FERMT2: variants seen among roughly 807,000 people sequenced by gnomAD.
FERMT2 encodes the protein fermitin family homolog 2.
Under a neutral mutation model 82.7 loss-of-function variants are expected in FERMT2, and 15 were observed. That is an observed-to-expected ratio of 0.18 (90% CI 0.12 to 0.28). The LOEUF is 0.28. Among genes scored for constraint, FERMT2 ranks in the 10% least tolerant of loss-of-function variants. The pLI is 1.00. For missense variants in FERMT2, 645 were observed against 809.4 expected, an observed-to-expected ratio of 0.80 and a Z score of 2.46; for synonymous variants, 274 against 271.5, an observed-to-expected ratio of 1.01 and a Z score of -0.09.
At chr14:52,937,116 C>T (rs1486985574) in intron 2 of FERMT2, among the ~76,000 whole-genome samples, 1 of 152,100 alleles carries the variant, frequency 6.6e-6, no homozygotes, top group Non-Finnish European at 1.5e-5. Context: ...GAGCTTAGAT[C>T]GTGCCACTGC....
At chr14:52,946,701 C>T (rs1289222370) in intron 2 of FERMT2, among the ~76,000 whole-genome samples, 1 of 151,350 alleles carries the variant, frequency 6.6e-6, no homozygotes, top group African/African-American at 2.4e-5. Context: ...TTTTTTGAGG[C>T]GGAGTCTTGC....
intron 3 of FERMT2, among the ~76,000 whole-genome samples, chr14:52,905,072 C>T (rs978219015): frequency 6.6e-6 from 1 of 151,422 alleles, no homozygotes; most frequent in African/African-American, 2.4e-5. Flanking sequence ...GCTTGTAATC[C>T]CAGCTACTCA....
chr14:52,859,480 A>C, intron 14 of FERMT2, 93 bp downstream of exon 14: 1 of 1,181,248 alleles, frequency 8.5e-7, no homozygotes, highest in East Asian at 2.7e-5. Flanking sequence ...TGGTGGTACA[A>C]ATAATCATCA....
At chr14:52,863,259 C>T (rs1345869265) in intron 12 of FERMT2, 2 of 151,830 alleles carry the variant, frequency 1.3e-5, no homozygotes, top group African/African-American at 2.4e-5. Context: ...AAATTCTGAA[C>T]ATTTAGGTAG....
chr14:52,864,581 G>T lies in FERMT2; in HGVS notation c.1422C>A (p.Ala474=), dbSNP rs757757441. The T allele has an allele frequency of 9.9e-6, 16 of 1,614,168 alleles. No individual in the cohort carries two copies. Among genetic ancestry groups the T allele is most frequent in the Non-Finnish European group, 1.4e-5 (16 of 1,180,032 alleles). Reference sequence around the variant, plus strand: ...TGTCCGCCATGGTCTTGCCTTTGGAGGCTAATCTGCAGGCTGCCATCCAGT... The same window carrying T: ...TGTCCGCCATGGTCTTGCCTTTGGATGCTAATCTGCAGGCTGCCATCCAGT... ...YAHWMAACRL[A]SKGKTMADSS... is the part of the protein sequence containing the mutation. Residue 474 remains alanine, a synonymous_variant, in exon 12 of 15, where the codon GCC becomes GCA. Transcript: ENST00000341590.
chr14:52,928,656 A>G (rs987063057), intron 2 of FERMT2, among the ~76,000 whole-genome samples: 1 of 152,116 alleles, frequency 6.6e-6, no homozygotes, highest in Non-Finnish European at 1.5e-5. Flanking sequence ...GGGGAAACCT[A>G]CTATTTTTTT....
chr14:52,878,523 T>TA, intron 7 of FERMT2, 59 bp downstream of exon 7: 1 of 1,078,710 alleles, frequency 9.3e-7, no homozygotes, highest in Non-Finnish European at 1.4e-6. Context: ...CTTTACTGTT[T>TA]AAAAATACCT....
At chr14:52,936,460 A>T (rs1176414383) in intron 2 of FERMT2, among the ~76,000 whole-genome samples, 1 of 152,216 alleles carries the variant, frequency 6.6e-6, no homozygotes, top group Non-Finnish European at 1.5e-5. Flanking sequence ...TGGGCATCTC[A>T]CAGCTCTGGG....
rs1884915717 is a variant in FERMT2 at position 52,861,231 on chromosome 14, G to C, written c.1603-766C>G. On this transcript the variant is annotated intron_variant, in intron 12 of 14. Coordinates refer to ENST00000341590, the MANE Select transcript of FERMT2 (RefSeq NM_006832.3). ...AATGAAAAATGAAAATGAGGAAGCA[G>C]CAATTACTTTCCATTTAGAACACTG... 5.4e-6 allele frequency: 3 copies of C among 553,466 alleles called. No homozygotes were observed. In the South Asian group the frequency reaches 7.8e-5, roughly 14 times the overall value. 34.3% of individuals were successfully genotyped at this position (553,466 alleles called of 1,614,324 possible).
chr14:52,875,143 A>T (rs763219634), intron 8 of FERMT2, 80 bp downstream of exon 8: 92 of 1,246,432 alleles, frequency 7.4e-5, no homozygotes, highest in Non-Finnish European at 9.4e-5. Context: ...ACCACCCCCA[A>T]ATACTTTGAA....
intron 3 of FERMT2, among the ~76,000 whole-genome samples, chr14:52,914,360 A>G (rs1888498791): frequency 6.6e-6 from 1 of 152,028 alleles, no homozygotes; most frequent in Admixed American, 6.6e-5. Context: ...ACAGAGCAAG[A>G]TACTATCTCA....
Position 52,950,553 on chromosome 14 carries a change from T to C in FERMT2, c.16A>G (p.Ile6Val). Residue 6 changes from isoleucine (I) to valine (V), a missense_variant, in exon 2 of 15, where the codon ATA becomes GTA. By Grantham distance (29) the Ile-to-Val change is conservative. Transcript: ENST00000341590. ...GCGTAGCAGCCATCTGGCATCCTTA[T>C]CCCGTCCAGAGCCATGGCTCCTTCC... MALDG[I>V]RMPDGCYADG... 5 of 1,614,006 alleles carry C rather than the reference T, an allele frequency of 3.1e-6. No homozygotes were observed. The highest frequency in any genetic ancestry group is 4.2e-6 in the Non-Finnish European group (5 of 1,179,968).
At chr14:52,899,980 T>C (rs564567683) in intron 3 of FERMT2, among the ~76,000 whole-genome samples, 2 of 152,282 alleles carry the variant, frequency 1.3e-5, no homozygotes, top group South Asian at 2.1e-4. Flanking sequence ...AAAATAGCCA[T>C]ACCAAAATAC....
At chr14:52,926,134 CATT>C (rs1889257118) in intron 2 of FERMT2, among the ~76,000 whole-genome samples, 1 of 34,090 alleles carries the variant, frequency 2.9e-5, no homozygotes, top group African/African-American at 8.6e-5. Context: ...AGCATGAACA[CATT>C]ATGATGACTT....
chr14:52,901,206 G>A (rs1189011222), intron 3 of FERMT2, among the ~76,000 whole-genome samples: 3 of 148,590 alleles, frequency 2.0e-5, no homozygotes, highest in Non-Finnish European at 4.5e-5. Context: ...GCTTGAACCC[G>A]GGAGGCGGAG....
At chr14:52,871,077 T>C (rs1885591807) in intron 10 of FERMT2, among the ~76,000 whole-genome samples, 1 of 152,140 alleles carries the variant, frequency 6.6e-6, no homozygotes, top group African/African-American at 2.4e-5. Flanking sequence ...ACCTTTGCTA[T>C]AATCAAGCAG....
At chr14:52,911,789 A>G (rs1389590765) in intron 3 of FERMT2, among the ~76,000 whole-genome samples, 1 of 152,186 alleles carries the variant, frequency 6.6e-6, no homozygotes, top group Admixed American at 6.5e-5. Context: ...ATTTATAGCA[A>G]TAACAGTGTT....
At chr14:52,895,132 G>A (rs971671673) in intron 3 of FERMT2, among the ~76,000 whole-genome samples, 10 of 152,116 alleles carry the variant, frequency 6.6e-5, no homozygotes, top group African/African-American at 2.2e-4. Context: ...TCAGTCATCA[G>A]GGAAATACAA....
At chr14:52,919,091 C>T (rs1326449533) in intron 3 of FERMT2, 32 bp downstream of exon 3, 6 of 1,462,054 alleles carry the variant, frequency 4.1e-6, no homozygotes, top group East Asian at 4.5e-5. Flanking sequence ...TCACATAACT[C>T]GTATTTTAAG....
Sources: gnomAD v4.1 joint callset for allele counts (sites outside exome capture counted in the v4.1 genomes callset) on GRCh38, gnomAD v4.1.1 for gene constraint, MANE v1.5 for transcripts, NCBI Gene and HGNC (gene_info 2026-07-23, HGNC 2026-07-21) for gene names.